The following FSTL5 variants were observed in gnomAD, a reference collection of about 807,000 sequenced individuals.
The protein encoded by FSTL5 is follistatin-related protein 5.
Under a neutral mutation model 89.1 loss-of-function variants are expected in FSTL5, and 62 were observed. That is an observed-to-expected ratio of 0.70 (90% confidence interval 0.57 to 0.86). The LOEUF (loss-of-function observed/expected upper bound fraction) is 0.86, where lower values mean the gene tolerates loss of function less well. Ranked by LOEUF, FSTL5 falls within the 40% of genes least tolerant of loss-of-function variation. FSTL5 has a pLI of 0.00. For synonymous variants in FSTL5, 383 were observed against 346.2 expected (o/e 1.11, Z -1.18); for missense variants, 1,057 against 1,001.6 (o/e 1.06, Z -0.75).
chr4:161,447,383 G>A lies in FSTL5; in HGVS notation c.1841+7621C>T, dbSNP rs200099972. Among the ~76,000 whole-genome samples, 6 of 152,142 alleles carry A rather than the reference G, an allele frequency of 3.9e-5. No homozygotes were observed. In the East Asian group the frequency reaches 1.2e-3, roughly 29 times the overall value. On this transcript the variant is annotated intron_variant, in intron 15 of 15. Transcript: ENST00000306100. ...ACATCAAGAACATTACATAGCAAAT[G>A]TGGGCTAGCAACATGACTAATAAGA...
At chr4:161,409,852 A>C (rs1207852199) in intron 15 of FSTL5, among the ~76,000 whole-genome samples, 1 of 152,184 alleles carries the variant, frequency 6.6e-6, no homozygotes, top group Admixed American at 6.5e-5. Context: ...AGCTAACAAC[A>C]CCATGACAGG....
At chr4:162,137,312 C>T (rs1403447895) in intron 1 of FSTL5, among the ~76,000 whole-genome samples, 4 of 152,006 alleles carry the variant, frequency 2.6e-5, no homozygotes, top group African/African-American at 9.7e-5. Flanking sequence ...GCAAAGTTCA[C>T]ATATTAAAAA....
intron 4 of FSTL5, among the ~76,000 whole-genome samples, chr4:161,861,300 CA>C (rs1731904249): frequency 6.6e-6 from 1 of 151,952 alleles, no homozygotes; most frequent in Non-Finnish European, 1.5e-5. Context: ...GTGCGTGCCG[CA>C]ATCGCAGCTG....
intron 15 of FSTL5, among the ~76,000 whole-genome samples, chr4:161,433,828 A>G (rs1026987654): frequency 6.6e-6 from 1 of 152,070 alleles, no homozygotes; most frequent in Non-Finnish European, 1.5e-5. Context: ...ATAAAATTAA[A>G]TATCTAGGAA....
chr4:161,394,439 CA>C (rs1322735103), intron 15 of FSTL5, among the ~76,000 whole-genome samples: 2 of 151,996 alleles, frequency 1.3e-5, no homozygotes, highest in African/African-American at 4.8e-5. Context: ...CCGTGCCCGG[CA>C]AATTTTTTGC....
intron 6 of FSTL5, among the ~76,000 whole-genome samples, chr4:161,707,293 C>T (rs1402739609): frequency 6.6e-6 from 1 of 151,746 alleles, no homozygotes; most frequent in Non-Finnish European, 1.5e-5. Flanking sequence ...GTTTCTTGGA[C>T]AAATTCCTAT....
At chr4:162,029,858 T>A (rs1737449445) in intron 3 of FSTL5, among the ~76,000 whole-genome samples, 2 of 151,794 alleles carry the variant, frequency 1.3e-5, no homozygotes, top group African/African-American at 4.8e-5. Context: ...TAAAACATGA[T>A]CTATTTTAGG....
intron 6 of FSTL5, among the ~76,000 whole-genome samples, chr4:161,696,085 G>C (rs569325931): frequency 6.6e-6 from 1 of 152,252 alleles, no homozygotes; most frequent in East Asian, 1.9e-4. Flanking sequence ...AATTTTTATA[G>C]TTTCAGGTCT....
intron 4 of FSTL5, among the ~76,000 whole-genome samples, chr4:161,785,337 A>T (rs1296071450): frequency 1.3e-5 from 2 of 152,194 alleles, no homozygotes; most frequent in Non-Finnish European, 2.9e-5. Flanking sequence ...GCCTACATGT[A>T]ATCTGATATG....
At chr4:161,413,193 G>T (rs1043301222) in intron 15 of FSTL5, among the ~76,000 whole-genome samples, 2 of 132,042 alleles carry the variant, frequency 1.5e-5, no homozygotes, top group East Asian at 2.3e-4. Flanking sequence ...GAATCTATAG[G>T]GAACTTAAAT....
intron 8 of FSTL5, among the ~76,000 whole-genome samples, chr4:161,579,731 C>CCA (rs1733360118): frequency 1.0e-5 from 1 of 98,834 alleles, no homozygotes; most frequent in Non-Finnish European, 2.3e-5. Context: ...CAAAAACAAA[C>CCA]AAAAAAAAAA....
chr4:161,928,006 C>T (rs951731485), intron 3 of FSTL5, among the ~76,000 whole-genome samples: 4 of 151,658 alleles, frequency 2.6e-5, no homozygotes, highest in African/African-American at 7.3e-5. Context: ...TGTGGTACTT[C>T]GTTAATATCC....
Position 161,454,998 on chromosome 4 carries a change from A to G in FSTL5, c.1841+6T>C. 1 of 1,612,846 alleles carries G rather than the reference A, an allele frequency of 6.2e-7. No individual in the cohort carries two copies. The highest frequency in any genetic ancestry group is 8.5e-7 in the Non-Finnish European group (1 of 1,179,234). ...TAAAAAGTTGATCACTCAACTTAGC[A>G]CTTACCTCATATGGGTGATAATGAG... On this transcript the variant is annotated splice_donor_region_variant and intron_variant, in intron 15 of 15. Transcript: ENST00000306100.
At chr4:161,817,860 C>T (rs908807882) in intron 4 of FSTL5, among the ~76,000 whole-genome samples, 7 of 152,158 alleles carry the variant, frequency 4.6e-5, no homozygotes, top group Non-Finnish European at 7.3e-5. Context: ...TATAGAAGTA[C>T]TGGGAAGGGA....
chr4:161,424,333 A>T (rs1732097769), intron 15 of FSTL5, among the ~76,000 whole-genome samples: 1 of 151,406 alleles, frequency 6.6e-6, no homozygotes, highest in Non-Finnish European at 1.5e-5. Context: ...TGTTCATTTC[A>T]TTAAAATAAT....
At chr4:161,779,273 A>T (rs542055894) in intron 4 of FSTL5, among the ~76,000 whole-genome samples, 3 of 152,288 alleles carry the variant, frequency 2.0e-5, no homozygotes, top group African/African-American at 7.2e-5. Context: ...AAATAAAATA[A>T]CCAAAAAAAA....
intron 3 of FSTL5, among the ~76,000 whole-genome samples, chr4:161,961,215 C>T (rs1038784092): frequency 4.6e-5 from 7 of 151,982 alleles, no homozygotes; most frequent in African/African-American, 9.7e-5. Flanking sequence ...TCAACTGATC[C>T]TCTCACTCCA....
At chr4:161,981,270 T>G (rs1735820150) in intron 3 of FSTL5, among the ~76,000 whole-genome samples, 2 of 152,182 alleles carry the variant, frequency 1.3e-5, no homozygotes, top group Non-Finnish European at 2.9e-5. Context: ...TTCACTAGCA[T>G]GCACAGCACA....
chr4:161,605,505 C>A (rs1734408129), intron 7 of FSTL5, among the ~76,000 whole-genome samples: 1 of 152,130 alleles, frequency 6.6e-6, no homozygotes, highest in African/African-American at 2.4e-5. Context: ...CCAAAAACAT[C>A]TTAGAGTTTC....
Sources: allele counts gnomAD v4.1 joint callset (sites outside exome capture counted in the v4.1 genomes callset), GRCh38; gene constraint gnomAD v4.1.1; transcripts MANE v1.5; gene names NCBI Gene and HGNC (gene_info 2026-07-23, HGNC 2026-07-21).